The following GALNTL6 variants were observed in gnomAD, a reference collection of about 807,000 sequenced individuals.
GALNTL6 encodes the protein polypeptide N-acetylgalactosaminyltransferase like 6.
GALNTL6 carries 46 observed loss-of-function variants against 73.7 expected under a neutral mutation model. The ratio of observed to expected loss-of-function variants is 0.62; its 90% CI spans 0.49 to 0.80. The LOEUF is 0.80. GALNTL6 is among the 30% of genes least tolerant of loss of function. The pLI is 0.00. For synonymous variants in GALNTL6, 259 were observed against 263.7 expected (o/e 0.98, Z 0.17); for missense variants, 604 against 755.0 (o/e 0.80, Z 2.34).
chr4:172,988,320 A>T (rs1331621437), intron 10 of GALNTL6, among the ~76,000 whole-genome samples: 1 of 152,162 alleles, frequency 6.6e-6, no homozygotes, highest in Non-Finnish European at 1.5e-5. Context: ...GATCTGTGGA[A>T]CTTTGAACTT....
intron 2 of GALNTL6, among the ~76,000 whole-genome samples, chr4:172,039,044 A>C (rs1490117908): frequency 1.3e-5 from 2 of 152,112 alleles, no homozygotes; most frequent in Non-Finnish European, 2.9e-5. Context: ...TGACACCAGG[A>C]TATTTCATGA....
intron 5 of GALNTL6, among the ~76,000 whole-genome samples, chr4:172,553,965 A>G (rs1736054352): frequency 6.6e-6 from 1 of 152,112 alleles, no homozygotes; most frequent in Admixed American, 6.6e-5. Context: ...AGGTTTCTAC[A>G]TTACAGTGAC....
At chr4:172,178,630 T>C (rs1735127280) in intron 2 of GALNTL6, among the ~76,000 whole-genome samples, 1 of 151,562 alleles carries the variant, frequency 6.6e-6, no homozygotes, top group African/African-American at 2.4e-5. Flanking sequence ...TAGTATTCCA[T>C]GGTGTATATG....
chr4:173,008,580 G>A (rs1752398235), intron 10 of GALNTL6, among the ~76,000 whole-genome samples: 1 of 152,234 alleles, frequency 6.6e-6, no homozygotes, highest in Admixed American at 6.5e-5. Flanking sequence ...GAGGAGACGG[G>A]AGGAAACCTC....
rs542235266 is a variant in GALNTL6, at chr4:172,830,669, T to C, written c.923+16946T>C. Among the ~76,000 whole-genome samples, 24 of 152,240 alleles carry C rather than the reference T, an allele frequency of 1.6e-4. No individual in the cohort carries two copies. The South Asian group carries it at 3.9e-3, about 25-fold the overall frequency. On this transcript the variant is annotated intron_variant, in intron 7 of 12. Coordinates refer to ENST00000506823, the MANE Select transcript of GALNTL6 (RefSeq NM_001034845.3). ...CAAGCAGCCACACCGTGGCATTATT[T>C]ATAGGTGAGTAGATTGATTGAGAAA...
At chr4:172,712,023 C>A (rs1734738198) in intron 5 of GALNTL6, among the ~76,000 whole-genome samples, 1 of 152,136 alleles carries the variant, frequency 6.6e-6, no homozygotes, top group African/African-American at 2.4e-5. Context: ...TGCCAGGTAA[C>A]ATGACAGCTA....
chr4:172,569,949 G>A (rs150924208), intron 5 of GALNTL6, among the ~76,000 whole-genome samples: 1 of 152,294 alleles, frequency 6.6e-6, no homozygotes, highest in East Asian at 1.9e-4. Context: ...ATGCCAAGAT[G>A]TGAATAATAT....
chr4:171,986,415 G>T (rs528703719), intron 2 of GALNTL6, among the ~76,000 whole-genome samples: 1 of 152,128 alleles, frequency 6.6e-6, no homozygotes, highest in Non-Finnish European at 1.5e-5. Flanking sequence ...GGATGTGTAC[G>T]TGCAGGTCAC....
At chr4:172,629,337 T>C (rs1398042793) in intron 5 of GALNTL6, among the ~76,000 whole-genome samples, 1 of 152,216 alleles carries the variant, frequency 6.6e-6, no homozygotes, top group Non-Finnish European at 1.5e-5. Flanking sequence ...AAGCATTTTA[T>C]ATCATTAAAA....
chr4:171,984,502 G>A (rs1579031481), intron 2 of GALNTL6, among the ~76,000 whole-genome samples: 1 of 152,086 alleles, frequency 6.6e-6, no homozygotes, highest in Non-Finnish European at 1.5e-5. Flanking sequence ...TCTCCAGATG[G>A]GAGAGAGTTT....
chr4:173,017,220 A>G (rs553576513), intron 11 of GALNTL6, among the ~76,000 whole-genome samples: 91 of 152,292 alleles, frequency 6.0e-4, no homozygotes, highest in African/African-American at 2.2e-3. Flanking sequence ...TTGTAAATCT[A>G]TGTTTTAAAG....
At chr4:172,425,705 C>A (rs1322582669) in intron 5 of GALNTL6, among the ~76,000 whole-genome samples, 1 of 152,014 alleles carries the variant, frequency 6.6e-6, no homozygotes, top group Non-Finnish European at 1.5e-5. Context: ...TTTAGGGATT[C>A]ATGTTCTGCT....
chr4:172,848,434 T>C (rs1743628723), intron 7 of GALNTL6, among the ~76,000 whole-genome samples: 1 of 152,310 alleles, frequency 6.6e-6, no homozygotes, highest in Admixed American at 6.5e-5. Context: ...GCTCTGAGTA[T>C]AATGGAGCTG....
chr4:172,059,207 G>A (rs915368550), intron 2 of GALNTL6, among the ~76,000 whole-genome samples: 1 of 152,168 alleles, frequency 6.6e-6, no homozygotes, highest in Non-Finnish European at 1.5e-5. Context: ...TTCTCTATGA[G>A]AAGGAAGCTG....
In GALNTL6 at chr4:172,035,049, C is replaced by T. The variant is rs1741892079; in HGVS notation, c.139-194607C>T. Among the ~76,000 whole-genome samples the T allele has an allele frequency of 2.0e-5, 3 of 152,138 alleles. No homozygotes were observed. In the South Asian group the frequency reaches 6.2e-4, roughly 32 times the overall value. On this transcript the variant is annotated intron_variant, in intron 2 of 12. Coordinates refer to ENST00000506823, the MANE Select transcript of GALNTL6 (RefSeq NM_001034845.3). ...TTATATTACTATTCAAGATAACTTG[C>T]CATTTTCACAGTAAAATAATTTTTA...
chr4:172,006,269 G>A (rs374133681), intron 2 of GALNTL6, among the ~76,000 whole-genome samples: 3 of 152,176 alleles, frequency 2.0e-5, no homozygotes, highest in Non-Finnish European at 4.4e-5. Flanking sequence ...AGTTAGGCAT[G>A]TTTTTCCTAT....
At chr4:172,998,075 G>A (rs189076375) in intron 10 of GALNTL6, among the ~76,000 whole-genome samples, 1 of 152,312 alleles carries the variant, frequency 6.6e-6, no homozygotes, top group East Asian at 1.9e-4. Flanking sequence ...CCCAGGGCAA[G>A]AGAGAGATGC....
intron 2 of GALNTL6, among the ~76,000 whole-genome samples, chr4:172,055,035 T>C (rs1448816686): frequency 6.6e-6 from 1 of 152,090 alleles, no homozygotes. Context: ...GTCCAGAGCA[T>C]TAGAACTAAA....
intron 5 of GALNTL6, among the ~76,000 whole-genome samples, chr4:172,644,530 G>A (rs116806720): frequency 0.031 from 4,722 of 151,490 alleles, 119 homozygotes; most frequent in South Asian, 0.091. Context: ...ACACAGACTC[G>A]CCAATACATG....
Sources: gnomAD v4.1 joint callset for allele counts (sites outside exome capture counted in the v4.1 genomes callset) on GRCh38, gnomAD v4.1.1 for gene constraint, MANE v1.5 for transcripts, NCBI Gene and HGNC (gene_info 2026-07-23, HGNC 2026-07-21) for gene names.